Variants in PARD6G observed in about 807,000 individuals in gnomAD.
PARD6G encodes partitioning defective 6 homolog gamma.
In PARD6G, 7 loss-of-function variants were observed where a neutral mutation model predicts 10.7. The ratio of observed to expected loss-of-function variants is 0.66; its 90% CI spans 0.37 to 1.23. The LOEUF is 1.23. Ranked by LOEUF, PARD6G falls within the 50% of genes most tolerant of loss-of-function variation. The pLI, the probability that PARD6G is intolerant of heterozygous loss-of-function variation, is 0.02. For missense variants in PARD6G, 548 were observed against 571.8 expected, an observed-to-expected ratio of 0.96 and a Z score of 0.42; for synonymous variants, 287 against 269.4, an observed-to-expected ratio of 1.07 and a Z score of -0.64.
intron 1 of PARD6G, among the ~76,000 whole-genome samples, chr18:80,229,779 G>C (rs895027518): frequency 1.3e-5 from 2 of 152,226 alleles, no homozygotes; most frequent in African/African-American, 4.8e-5. Context: ...ATAAGGAGTG[G>C]AAATAACTGG....
At chr18:80,172,138 C>A (rs1167009122) in intron 2 of PARD6G, among the ~76,000 whole-genome samples, 1 of 152,146 alleles carries the variant, frequency 6.6e-6, no homozygotes, top group African/African-American at 2.4e-5. Flanking sequence ...GAAACATTTT[C>A]TATTCCCCCC....
Position 80,202,713 on chromosome 18 carries a change from GT to G in PARD6G, c.291del (p.Lys97AsnfsTer86). 1 of 1,612,378 alleles carries G rather than the reference GT, an allele frequency of 6.2e-7. No homozygotes were observed. On this transcript the variant is annotated frameshift_variant, in exon 2 of 3. Coordinates refer to ENST00000353265, the MANE Select transcript of PARD6G (RefSeq NM_032510.4). LOFTEE classifies it low-confidence loss of function (END_TRUNC). ...ANPLLRVFIQ[K>X]REEAERGSLG... ...GGCCACTCAACCACTTCAGTACCTC[GT>G]TTCTGGATGAAGACCCTGAGCAGGG...
chr18:80,233,522 T>C (rs1364054970), intron 1 of PARD6G, among the ~76,000 whole-genome samples: 3 of 152,190 alleles, frequency 2.0e-5, no homozygotes, highest in Non-Finnish European at 2.9e-5. Context: ...CCCCTTATTA[T>C]TGCAGACACC....
At chr18:80,162,051 G>C (rs548916822) in intron 2 of PARD6G, 12 of 152,350 alleles carry the variant, frequency 7.9e-5, no homozygotes, top group African/African-American at 2.9e-4. Flanking sequence ...CAACGAGAAG[G>C]CCCTAGCACA....
chr18:80,193,791 G>A (rs1966924592), intron 2 of PARD6G, among the ~76,000 whole-genome samples: 1 of 152,108 alleles, frequency 6.6e-6, no homozygotes, highest in African/African-American at 2.4e-5. Context: ...CAGGAAGGCG[G>A]GAATGCCCAG....
chr18:80,247,314 C>G lies in PARD6G; in HGVS notation c.35G>C (p.Arg12Pro). 6.3e-7 allele frequency: 1 copy of G among 1,585,292 alleles called. No homozygotes were observed. Among genetic ancestry groups the G allele is most frequent in the Non-Finnish European group, 8.6e-7 (1 of 1,166,716 alleles). ...NRSFHKSQTL[R>P]FYDCSAVEVK... ...TTCCACTGCGCTGCAATCGTAGAAT[C>G]GCAAGGTCTGAGACTTGTGAAAACT... The change falls in exon 1 of 3, where the codon CGA becomes CCA. Residue 12 changes from arginine to proline, a missense_variant. By Grantham distance (103) the Arg-to-Pro change is moderately radical. Around this residue, in one of 2 missense-constraint regions of PARD6G, gnomAD observed 235 missense variants for 291.9 expected, o/e 0.81. Transcript: ENST00000353265. The surrounding 1 kb of genome is among the most constrained non-coding windows in gnomAD (Gnocchi z 4.2).
chr18:80,181,201 C>T lies in PARD6G; in HGVS notation c.296-20595G>A, dbSNP rs1046082870. Among the ~76,000 whole-genome samples, 25 of 152,248 alleles carry T rather than the reference C, an allele frequency of 1.6e-4. No homozygotes were observed. The highest frequency in any genetic ancestry group is 5.2e-4 in the Admixed American group (8 of 15,302). ...CACAGACAAGCCCTGCGTACACTGA[C>T]CGTAGACTGGTGTGTGCACCAAGCA... On this transcript the variant is annotated intron_variant, in intron 2 of 2. Transcript: ENST00000353265. The surrounding 1 kb of genome is among the most constrained non-coding windows in gnomAD (Gnocchi z 7.9).
chr18:80,162,513 T>C (rs774675201), intron 2 of PARD6G: 2 of 169,298 alleles, frequency 1.2e-5, no homozygotes, highest in Non-Finnish European at 2.9e-5. Context: ...GCTTGTTTTA[T>C]AGAAATGGGA....
At position 80,201,766 on chromosome 18, in the gene PARD6G, G is replaced by A. The variant is rs1967008889; in HGVS notation, c.295+944C>T. 6.6e-6 allele frequency among the ~76,000 whole-genome samples: 1 copy of A among 152,254 alleles called. No homozygotes were observed. The highest frequency in any genetic ancestry group is 2.1e-4 in the South Asian group (1 of 4,834). On this transcript the variant is annotated intron_variant, in intron 2 of 2. Transcript: ENST00000353265. The surrounding 1 kb of genome is among the most constrained non-coding windows in gnomAD (Gnocchi z 5.9). ...GATGGGGGTTACTATGAGGACCCTCGTTTTGCAAAGCAGGACGCTGGGGTG... is the reference window on the plus strand; with the variant it reads ...GATGGGGGTTACTATGAGGACCCTCATTTTGCAAAGCAGGACGCTGGGGTG...
chr18:80,232,486 T>C lies in PARD6G; in HGVS notation c.72+14791A>G, dbSNP rs1599876114. On this transcript the variant is annotated intron_variant, in intron 1 of 2. Coordinates refer to ENST00000353265, the MANE Select transcript of PARD6G (RefSeq NM_032510.4). ...CATGGTGGGAGGTGAAAGGCACTTCTTACATGGTGGCAGCAAGAAAAAAAT... is the reference window on the plus strand; with the variant it reads ...CATGGTGGGAGGTGAAAGGCACTTCCTACATGGTGGCAGCAAGAAAAAAAT... Among the ~76,000 whole-genome samples the C allele has an allele frequency of 4.6e-5, 7 of 152,232 alleles. 2 individuals are homozygous for C. Among genetic ancestry groups the C allele is most frequent in the Admixed American group, 4.6e-4 (7 of 15,306 alleles).
Position 80,157,877 on chromosome 18 carries a change from C to T in PARD6G, c.*1894G>A, listed in dbSNP as rs1276317764. 1 of 152,256 alleles carries T rather than the reference C, an allele frequency of 6.6e-6. No individual in the cohort carries two copies. Among genetic ancestry groups the T allele is most frequent in the Non-Finnish European group, 1.5e-5 (1 of 68,040 alleles). 9.4% of individuals were successfully genotyped at this position (152,256 alleles called of 1,614,324 possible). A position where few individuals can be genotyped will look rare whatever the true frequency, so the allele number is the denominator to read the frequency against. On this transcript the variant is annotated 3_prime_UTR_variant, in exon 3 of 3. Transcript: ENST00000353265. ...ATGAAAATGCTGAGATGCAGTTTTC[C>T]CTCTTAGCAGTTCCATGTTCACGAA...
chr18:80,173,486 A>T (rs780395194), intron 2 of PARD6G, among the ~76,000 whole-genome samples: 6 of 152,112 alleles, frequency 3.9e-5, no homozygotes, highest in Non-Finnish European at 5.9e-5. Flanking sequence ...TTAGCCAGGC[A>T]TGGTGGCGAG....
At chr18:80,176,850 TAC>T (rs2052810730) in intron 2 of PARD6G, among the ~76,000 whole-genome samples, 1 of 151,724 alleles carries the variant, frequency 6.6e-6, no homozygotes, top group African/African-American at 2.4e-5. Context: ...ACAAACAGGA[TAC>T]ACACACATGC....
Position 80,201,438 on chromosome 18 carries a change from TGCCCCCA to T in PARD6G, c.295+1265_295+1271del, listed in dbSNP as rs1967005851. Among the ~76,000 whole-genome samples, 1 of 152,142 alleles carries T rather than the reference TGCCCCCA, an allele frequency of 6.6e-6. No individual in the cohort carries two copies. The highest frequency in any genetic ancestry group is 2.4e-5 in the African/African-American group (1 of 41,424). The stretch of plus-strand genomic sequence containing the variant: ...GCCATGCAGAGACAGCGAGGGTCCT[TGCCCCCA>T]GCAACCCCGAAGGACTGATGTGGAA... On this transcript the variant is annotated intron_variant, in intron 2 of 2. Coordinates refer to ENST00000353265, the MANE Select transcript of PARD6G (RefSeq NM_032510.4). The surrounding 1 kb of genome is among the most constrained non-coding windows in gnomAD (Gnocchi z 5.9).
chr18:80,166,115 A>ATAGC (rs1228881885), intron 2 of PARD6G, among the ~76,000 whole-genome samples: 1 of 152,040 alleles, frequency 6.6e-6, no homozygotes, highest in East Asian at 1.9e-4. Flanking sequence ...ATTTCCTAAC[A>ATAGC]TAGCTACCAC....
intron 1 of PARD6G, among the ~76,000 whole-genome samples, chr18:80,229,801 G>A (rs1277497795): frequency 1.3e-5 from 2 of 152,198 alleles, no homozygotes; most frequent in Non-Finnish European, 2.9e-5. Context: ...TGAAGCGTGA[G>A]GACAGAGAGC....
chr18:80,186,023 TA>T (rs2145267379), intron 2 of PARD6G, among the ~76,000 whole-genome samples: 1 of 112,044 alleles, frequency 8.9e-6, no homozygotes, highest in East Asian at 3.1e-4. Flanking sequence ...CACACACGCA[TA>T]TACCCTGACA....
intron 1 of PARD6G, among the ~76,000 whole-genome samples, chr18:80,211,239 T>C (rs1356635259): frequency 2.0e-5 from 3 of 152,218 alleles, no homozygotes; most frequent in African/African-American, 4.8e-5. Context: ...CTTAAAATTC[T>C]TTTAGAGGAT....
At chr18:80,208,545 A>G (rs550343349) in intron 1 of PARD6G, among the ~76,000 whole-genome samples, 4 of 152,246 alleles carry the variant, frequency 2.6e-5, no homozygotes, top group African/African-American at 9.6e-5. Flanking sequence ...AAATGCCTCA[A>G]AGGGAGCCAT....
Sources: allele counts gnomAD v4.1 joint callset (sites outside exome capture counted in the v4.1 genomes callset), GRCh38; gene constraint gnomAD v4.1.1; regional missense constraint gnomAD v4.1.1; non-coding constraint Gnocchi (gnomAD v3.1); transcripts MANE v1.5; gene names NCBI Gene and HGNC (gene_info 2026-07-23, HGNC 2026-07-21).